VPS8: variants seen among roughly 807,000 people sequenced by gnomAD.
VPS8 encodes the protein vacuolar protein sorting-associated protein 8 homolog.
VPS8 carries 129 observed loss-of-function variants against 216.4 expected under a neutral mutation model. The observed-to-expected ratio is 0.60, with a 90% confidence interval of 0.52 to 0.69. VPS8 has a LOEUF of 0.69. Among genes scored for constraint, VPS8 ranks in the 30% least tolerant of loss-of-function variants. The pLI, the probability that VPS8 is intolerant of heterozygous loss-of-function variation, is 0.00. For missense variants in VPS8, 1,531 were observed against 1,683.5 expected (o/e 0.91, Z 1.59); for synonymous variants, 571 against 565.4 (o/e 1.01, Z -0.14).
rs537014583 is a variant in VPS8, at chr3:184,834,591, G to C, written c.354-58G>C. The C allele has an allele frequency of 1.9e-5, 26 of 1,350,782 alleles. No homozygotes were observed. The South Asian group carries it at 3.4e-4, about 18-fold the overall frequency. The allele number at this position is 1,350,782 out of a possible 1,614,324, so 83.7% of individuals were successfully genotyped here. Reference sequence around the variant, plus strand: ...TGTGTGTTTTCTTTCAAAGCTTTGGGACCTCTCCTTTTCACTATTTTTATC... The same window carrying C: ...TGTGTGTTTTCTTTCAAAGCTTTGGCACCTCTCCTTTTCACTATTTTTATC... On this transcript the variant is annotated intron_variant, in intron 4 of 47. Coordinates refer to ENST00000625842, the MANE Select transcript of VPS8 (RefSeq NM_001009921.3).
chr3:185,009,054 G>A (rs906955442), intron 45 of VPS8, among the ~76,000 whole-genome samples: 1 of 152,186 alleles, frequency 6.6e-6, no homozygotes, highest in Non-Finnish European at 1.5e-5. Flanking sequence ...AGCCAGATCT[G>A]TATTACCAGC....
At chr3:185,025,995 T>C (rs547046376) in intron 46 of VPS8, among the ~76,000 whole-genome samples, 3 of 152,320 alleles carry the variant, frequency 2.0e-5, no homozygotes, top group East Asian at 1.9e-4. Context: ...GTTTGACATA[T>C]AGTAAGTACT....
chr3:184,936,515 CTGTGTGTGTGTGTGTGTGTGTG>C (rs59011109), intron 35 of VPS8, among the ~76,000 whole-genome samples, 180 bp downstream of exon 35: 9 of 119,438 alleles, frequency 7.5e-5, no homozygotes, highest in African/African-American at 2.2e-4. Context: ...CAACCTAATA[CTGTGTGTGTGTGTGTGTGTGTG>C]TGTGTGTGTG....
intron 38 of VPS8, among the ~76,000 whole-genome samples, chr3:184,964,855 C>G (rs1363835421): frequency 6.6e-6 from 1 of 152,152 alleles, no homozygotes; most frequent in Non-Finnish European, 1.5e-5. Flanking sequence ...GACACCTGGG[C>G]TGCTTTACCT....
chr3:184,888,267 C>T (rs545654565), intron 22 of VPS8, among the ~76,000 whole-genome samples: 8 of 152,316 alleles, frequency 5.3e-5, no homozygotes, highest in African/African-American at 1.9e-4. Context: ...GGATTACAGG[C>T]ATGAGCCGCC....
chr3:184,934,802 GA>G (rs1395529901), intron 34 of VPS8, among the ~76,000 whole-genome samples: 1 of 152,126 alleles, frequency 6.6e-6, no homozygotes, highest in Non-Finnish European at 1.5e-5. Context: ...TTGTGATTCA[GA>G]TTGATCTGTA....
At chr3:184,950,216 C>CAT (rs572473474) in intron 36 of VPS8, among the ~76,000 whole-genome samples, 1 of 39,930 alleles carries the variant, frequency 2.5e-5, no homozygotes, top group African/African-American at 1.0e-4. Context: ...CAGTTTTCTG[C>CAT]TTTTTTTTTT....
chr3:185,047,147 T>C (rs1458779681), intron 46 of VPS8, among the ~76,000 whole-genome samples: 2 of 152,224 alleles, frequency 1.3e-5, no homozygotes, highest in Non-Finnish European at 2.9e-5. Context: ...CCTTTCTGTT[T>C]CTGTAGCCAC....
At chr3:184,893,225 C>G in intron 22 of VPS8, 1 of 1,270,412 alleles carries the variant, frequency 7.9e-7, no homozygotes, top group Non-Finnish European at 1.0e-6. Context: ...TCCATCTGTC[C>G]CCTTCCAGGA....
intron 42 of VPS8, among the ~76,000 whole-genome samples, chr3:184,986,172 T>A (rs1425960223): frequency 2.0e-5 from 3 of 152,210 alleles, no homozygotes; most frequent in African/African-American, 7.2e-5. Context: ...AGGAGATGTC[T>A]GAGCTGATTC....
At chr3:184,905,617 T>G (rs1735353550) in intron 25 of VPS8, among the ~76,000 whole-genome samples, 1 of 100,924 alleles carries the variant, frequency 9.9e-6, no homozygotes, top group East Asian at 3.1e-4. Flanking sequence ...GAAGCTCAGC[T>G]CTTTTTTTTT....
chr3:184,883,009 T>C (rs890172854), intron 21 of VPS8, among the ~76,000 whole-genome samples: 1 of 152,186 alleles, frequency 6.6e-6, no homozygotes, highest in African/African-American at 2.4e-5. Flanking sequence ...ACACCAATTA[T>C]ATCCAAATTG....
intron 16 of VPS8, among the ~76,000 whole-genome samples, chr3:184,863,962 AAT>A: frequency 6.6e-6 from 1 of 152,308 alleles, no homozygotes; most frequent in African/African-American, 2.4e-5. Flanking sequence ...ATGATAGTGT[AAT>A]ATAATTCACT....
At chr3:184,975,462 G>A (rs936642118) in intron 40 of VPS8, among the ~76,000 whole-genome samples, 5 of 151,582 alleles carry the variant, frequency 3.3e-5, no homozygotes, top group African/African-American at 7.3e-5. Flanking sequence ...GAGTCTTTAG[G>A]TTTTCATATC....
At chr3:184,860,457 A>T (rs995508588) in intron 15 of VPS8, among the ~76,000 whole-genome samples, 8 of 77,990 alleles carry the variant, frequency 1.0e-4, no homozygotes, top group Non-Finnish European at 2.0e-4. Context: ...ATATGTATGT[A>T]TACACACACA....
intron 34 of VPS8, among the ~76,000 whole-genome samples, chr3:184,932,531 T>C (rs748813093): frequency 3.3e-5 from 5 of 152,206 alleles, no homozygotes; most frequent in Non-Finnish European, 5.9e-5. Flanking sequence ...ACAAGAAATA[T>C]GATATTTCCA....
At chr3:184,839,950 TTTC>T in intron 7 of VPS8, 198 bp downstream of exon 7, 2 of 1,302,626 alleles carry the variant, frequency 1.5e-6, no homozygotes, top group Non-Finnish European at 2.0e-6. Context: ...GCAAGTTTAT[TTTC>T]TTCTTCATGA....
chr3:184,893,383 C>A, intron 22 of VPS8: 1 of 1,156,660 alleles, frequency 8.6e-7, no homozygotes, highest in Non-Finnish European at 1.1e-6. Flanking sequence ...AGAAATTACA[C>A]ATTTAGGAAA....
chr3:185,003,481 G>A (rs1186101853), intron 45 of VPS8, among the ~76,000 whole-genome samples: 2 of 146,592 alleles, frequency 1.4e-5, no homozygotes, highest in Admixed American at 6.8e-5. Flanking sequence ...TAAGGTCATA[G>A]ATCAACAGGA....
Sources: gnomAD v4.1 joint callset for allele counts (sites outside exome capture counted in the v4.1 genomes callset) on GRCh38, gnomAD v4.1.1 for gene constraint, MANE v1.5 for transcripts, NCBI Gene and HGNC (gene_info 2026-07-23, HGNC 2026-07-21) for gene names.